TRPA1: variants seen among roughly 807,000 people sequenced by gnomAD.
TRPA1 encodes ankyrin-like with transmembrane domains 1.
Under a neutral mutation model 131.3 loss-of-function variants are expected in TRPA1, and 129 were observed. That is an observed-to-expected ratio of 0.98 (90% CI 0.85 to 1.14). The LOEUF (loss-of-function observed/expected upper bound fraction) is 1.14. TRPA1 is among the 50% of genes most tolerant of loss of function. TRPA1 has a pLI of 0.00. For missense variants in TRPA1, 1,304 were observed against 1,354.2 expected, an observed-to-expected ratio of 0.96 and a Z score of 0.58; for synonymous variants, 441 against 451.7, an observed-to-expected ratio of 0.98 and a Z score of 0.30.
In TRPA1 at chr8:72,062,849, C is replaced by T; in HGVS notation, c.757G>A (p.Glu253Lys). 3 of 1,613,996 alleles carry T rather than the reference C, an allele frequency of 1.9e-6. No individual in the cohort carries two copies. The highest frequency in any genetic ancestry group is 2.5e-6 in the Non-Finnish European group (3 of 1,179,962). The change falls in exon 6 of 27, where the codon GAA becomes AAA. Residue 253 changes from glutamate (E) to lysine (K), a missense_variant. By Grantham distance (56) the Glu-to-Lys change is moderately conservative. Transcript: ENST00000262209. ...TTGTCCAGGCACATTTTGATCATTT[C>T]CAAGTCACCATTTTGCACAGCCAGG... ...LHLAVQNGDL[E>K]MIKMCLDNGA...
chr8:72,074,131 G>C (rs1376766214), intron 1 of TRPA1, among the ~76,000 whole-genome samples: 1 of 143,022 alleles, frequency 7.0e-6, no homozygotes, highest in Admixed American at 6.8e-5. Context: ...GGTACCAAGG[G>C]ACAGACAGAC....
At chr8:72,037,954 A>G in intron 20 of TRPA1, 29 bp downstream of exon 20, 3 of 1,334,762 alleles carry the variant, frequency 2.2e-6, no homozygotes, top group Non-Finnish European at 2.2e-6. Context: ...AATATGTGCA[A>G]CTTTAGAGAT....
intron 21 of TRPA1, among the ~76,000 whole-genome samples, chr8:72,034,588 C>G (rs1271635696): frequency 6.6e-6 from 1 of 152,144 alleles, no homozygotes; most frequent in Non-Finnish European, 1.5e-5. Context: ...CTTTTATTCT[C>G]ATTATTAATG....
chr8:72,035,425 G>GA (rs918102807), intron 21 of TRPA1, among the ~76,000 whole-genome samples: 1 of 152,060 alleles, frequency 6.6e-6, no homozygotes, highest in Admixed American at 6.6e-5. Flanking sequence ...GATATATGGT[G>GA]AAAAAAACAT....
intron 17 of TRPA1, among the ~76,000 whole-genome samples, chr8:72,042,904 G>A (rs1466696616): frequency 1.3e-5 from 2 of 151,796 alleles, no homozygotes; most frequent in East Asian, 3.9e-4. Flanking sequence ...CCAAGGGCTG[G>A]GGGAAAGATG....
chr8:72,032,575 A>G (rs942266608), intron 23 of TRPA1, among the ~76,000 whole-genome samples: 5 of 152,208 alleles, frequency 3.3e-5, no homozygotes, highest in Non-Finnish European at 5.9e-5. Context: ...ATATCCAGGT[A>G]GAGATGCACA....
chr8:72,075,127 G>A (rs780571595), intron 1 of TRPA1, among the ~76,000 whole-genome samples, 172 bp downstream of exon 1: 37 of 152,134 alleles, frequency 2.4e-4, no homozygotes, highest in South Asian at 4.1e-4. Flanking sequence ...AATAGATAAA[G>A]CAGGCGCTGT....
chr8:72,031,355 G>T (rs1172899557), intron 23 of TRPA1, among the ~76,000 whole-genome samples: 1 of 151,980 alleles, frequency 6.6e-6, no homozygotes, highest in Non-Finnish European at 1.5e-5. Context: ...GAGGTGGGAG[G>T]ATCACTTGAG....
chr8:72,079,437 A>G (rs1345253430), upstream of TRPA1, among the ~76,000 whole-genome samples: 1 of 151,002 alleles, frequency 6.6e-6, no homozygotes, highest in Non-Finnish European at 1.5e-5. Context: ...TGGATATACA[A>G]CTGTTACTAG....
chr8:72,061,634 A>T lies in TRPA1; in HGVS notation c.935T>A (p.Met312Lys). The change falls in exon 7 of 27, where the codon ATG becomes AAG. Residue 312 changes from methionine (M) to lysine (K), a missense_variant. Coordinates refer to ENST00000262209, the MANE Select transcript of TRPA1 (RefSeq NM_007332.3). ...VNTTDGCHET[M>K]LHRASLFDHH... ...TAGGTAGGAAACTTGCCTGTGAAGC[A>T]TGGTCTCATGACATCCATCGGTTGT... 2.5e-6 allele frequency: 4 copies of T among 1,614,026 alleles called. No homozygotes were observed. Among genetic ancestry groups the T allele is most frequent in the Non-Finnish European group, 3.4e-6 (4 of 1,179,930 alleles).
At chr8:72,036,098 AC>A (rs1228284387) in intron 21 of TRPA1, among the ~76,000 whole-genome samples, 189 bp downstream of exon 21, 4 of 151,810 alleles carry the variant, frequency 2.6e-5, no homozygotes, top group African/African-American at 9.7e-5. Flanking sequence ...AGTGTGAGAA[AC>A]CCTGATCTTC....
chr8:72,055,139 A>G, intron 12 of TRPA1: 1 of 363,308 alleles, frequency 2.8e-6, no homozygotes, highest in South Asian at 2.9e-5. Context: ...ATGAGAAACT[A>G]TGTTTCAAAG....
chr8:72,067,039 A>G (rs775103358), intron 3 of TRPA1, among the ~76,000 whole-genome samples: 3 of 152,208 alleles, frequency 2.0e-5, no homozygotes, highest in Non-Finnish European at 2.9e-5. Context: ...CCCCAGGCCA[A>G]TGTGTCCCAG....
intron 21 of TRPA1, among the ~76,000 whole-genome samples, chr8:72,036,005 CAAAAAAAAAA>C (rs58197251): frequency 2.2e-5 from 1 of 44,968 alleles, no homozygotes; most frequent in Non-Finnish European, 3.9e-5. Context: ...TCCCCCTCCA[CAAAAAAAAAA>C]AAAAAAAAAA....
chr8:72,055,815 T>C lies in TRPA1; in HGVS notation c.1235A>G (p.Asp412Gly). The change falls in exon 11 of 27, where the codon GAT (aspartate) becomes GGT (glycine). Residue 412 changes from aspartate (D) to glycine (G), a missense_variant. Asp to Gly is a moderately conservative substitution (Grantham distance 94, BLOSUM62 -1). Transcript: ENST00000262209. Reference sequence around the variant, plus strand: ...TGCATAATGTAGAGGAGTACACCCATCGTTGTCTTCATCCATTACCAGCTC... The same window carrying C: ...TGCATAATGTAGAGGAGTACACCCACCGTTGTCTTCATCCATTACCAGCTC... ...IKELVMDEDNDGCTPLHYACR... is the reference protein window; with the variant it reads ...IKELVMDEDNGGCTPLHYACR... 1 of 1,613,488 alleles carries C rather than the reference T, an allele frequency of 6.2e-7. No individual in the cohort carries two copies. The highest frequency in any genetic ancestry group is 1.1e-5 in the South Asian group (1 of 91,070).
At chr8:72,083,844 G>A in the TRPA1 span, among the ~76,000 whole-genome samples, 3 of 152,130 alleles carry the variant, frequency 2.0e-5, no homozygotes, top group African/African-American at 4.8e-5. Context: ...AGCTACTCCT[G>A]TTTCTGTTCA....
At position 72,056,910 on chromosome 8, in the gene TRPA1, A is replaced by C. The variant is rs1328068013; in HGVS notation, c.1194+7T>G. The C allele has an allele frequency of 4.4e-6, 7 of 1,594,152 alleles. No individual in the cohort carries two copies. In the African/African-American group the frequency reaches 9.4e-5, roughly 21 times the overall value. On this transcript the variant is annotated splice_region_variant and intron_variant, in intron 10 of 26. Transcript: ENST00000262209. ...TCAGTTAATGGCAATCCACAGATAT[A>C]CATTACCTGCATAAATTCAGGTCGC...
At chr8:72,086,445 A>C in the TRPA1 span, among the ~76,000 whole-genome samples, 4 of 152,270 alleles carry the variant, frequency 2.6e-5, no homozygotes, top group African/African-American at 9.6e-5. Context: ...CAGAGGTGGT[A>C]TGTTGGTACT....
the TRPA1 span, among the ~76,000 whole-genome samples, chr8:72,084,834 G>A: frequency 6.6e-6 from 1 of 151,386 alleles, no homozygotes; most frequent in African/African-American, 2.4e-5. Flanking sequence ...GTATTTTTAG[G>A]AGAGACGAGG....
Sources: allele counts gnomAD v4.1 joint callset (sites outside exome capture counted in the v4.1 genomes callset), GRCh38; gene constraint gnomAD v4.1.1; transcripts MANE v1.5; gene names NCBI Gene and HGNC (gene_info 2026-07-23, HGNC 2026-07-21).